The following EPN2 variants were observed in gnomAD, a reference collection of about 807,000 sequenced individuals.
EPN2 encodes the protein epsin 2.
EPN2 carries 34 observed loss-of-function variants against 61.7 expected under a neutral mutation model. The observed-to-expected ratio is 0.55, with a 90% CI of 0.42 to 0.73. The LOEUF (loss-of-function observed/expected upper bound fraction) is 0.73, where lower values mean the gene tolerates loss of function less well. EPN2 is among the 30% of genes least tolerant of loss of function. EPN2 has a pLI of 0.00. For missense variants in EPN2, 714 were observed against 839.2 expected, an observed-to-expected ratio of 0.85 and a Z score of 1.84; for synonymous variants, 349 against 353.6, an observed-to-expected ratio of 0.99 and a Z score of 0.15.
intron 8 of EPN2, 121 bp downstream of exon 8, chr17:19,329,008 C>T (rs944783137): frequency 2.3e-6 from 2 of 882,698 alleles, no homozygotes; most frequent in African/African-American, 3.4e-5. Context: ...CCTCCTCCCC[C>T]TTAGCCTTTG....
At chr17:19,331,446 A>G (rs1226992464) in intron 9 of EPN2, among the ~76,000 whole-genome samples, 1 of 152,148 alleles carries the variant, frequency 6.6e-6, no homozygotes, top group Non-Finnish European at 1.5e-5. Flanking sequence ...TTTAAAAGAC[A>G]CAATTTGCTT....
At chr17:19,326,345 G>A (rs1906864089) in intron 7 of EPN2, among the ~76,000 whole-genome samples, 2 of 152,202 alleles carry the variant, frequency 1.3e-5, no homozygotes, top group South Asian at 4.1e-4. Context: ...GTGATTTGCT[G>A]TATCAGATAT....
chr17:19,267,519 A>C (rs951472474), intron 1 of EPN2, among the ~76,000 whole-genome samples: 1 of 151,720 alleles, frequency 6.6e-6, no homozygotes, highest in Non-Finnish European at 1.5e-5. Flanking sequence ...GAAGAAAAAT[A>C]TGAAGCAAGC....
intron 4 of EPN2, chr17:19,308,128 CAGT>C: frequency 1.4e-6 from 1 of 735,220 alleles, no homozygotes; most frequent in Non-Finnish European, 1.7e-6. Context: ...GGCTGGAGTG[CAGT>C]AGCTTGATCT....
chr17:19,289,631 G>A (rs2045440373), intron 4 of EPN2, among the ~76,000 whole-genome samples: 1 of 151,850 alleles, frequency 6.6e-6, no homozygotes, highest in South Asian at 2.1e-4. Flanking sequence ...GGAGTTGGGG[G>A]GAGAATTCTG....
At position 19,276,773 on chromosome 17, in the gene EPN2, G is replaced by GTTTTTTTTTTTTTTTTT. The variant is rs80078595; in HGVS notation, c.-293-5180_-293-5164dup. ...GTCAGTATGTAATTTATGAGAATAA[G>GTTTTTTTTTTTTTTTTT]TTTTTTTTTTTTTTTTTTGCTGTAT... On this transcript the variant is annotated intron_variant, in intron 1 of 10. Transcript: ENST00000314728. 3.6e-4 allele frequency among the ~76,000 whole-genome samples: 43 copies of GTTTTTTTTTTTTTTTTT among 119,306 alleles called. 1 individual carries two copies. Among genetic ancestry groups the GTTTTTTTTTTTTTTTTT allele is most frequent in the African/African-American group, 1.3e-3 (31 of 24,090 alleles). The allele number at this position is 119,306 out of a possible 152,430, so 78.3% of individuals were successfully genotyped here.
intron 4 of EPN2, chr17:19,306,393 A>C (rs1042086968): frequency 6.6e-6 from 1 of 152,246 alleles, no homozygotes; most frequent in African/African-American, 2.4e-5. Flanking sequence ...GCTGATGTTC[A>C]ATGGTTGGTG....
chr17:19,312,097 C>T lies in EPN2; in HGVS notation c.925C>T (p.Leu309=), dbSNP rs1906168051. Residue 309 remains leucine (L), a synonymous_variant, in exon 6 of 11, where the codon CTG becomes TTG. Coordinates refer to ENST00000314728, the MANE Select transcript of EPN2 (RefSeq NM_014964.5). ...RGDDLRLQMA[L]EESRRDTVKI... The stretch of plus-strand genomic sequence containing the variant: ...TGATGACCTCAGATTACAGATGGCC[C>T]TGGAAGAAAGCCGAAGGGACACAGT... 6.2e-7 allele frequency: 1 copy of T among 1,614,172 alleles called. No individual in the cohort carries two copies. The highest frequency in any genetic ancestry group is 1.3e-5 in the African/African-American group (1 of 75,046).
rs77731914 is a variant in EPN2 at position 19,267,554 on chromosome 17, T to TA, written c.-293-14401_-293-14400insA. On this transcript the variant is annotated intron_variant, in intron 1 of 10. Transcript: ENST00000314728. ...CAGTAGAGCAGCTTTTTTTTTTTTT[T>TA]TAAAAAAAGACAGAGTTCCACTCTG... Among the ~76,000 whole-genome samples the TA allele has an allele frequency of 2.0e-5, 3 of 151,504 alleles. No individual in the cohort carries two copies. In the East Asian group the frequency reaches 5.8e-4, roughly 29 times the overall value.
At chr17:19,266,259 A>G (rs1464480038) in intron 1 of EPN2, among the ~76,000 whole-genome samples, 2 of 152,202 alleles carry the variant, frequency 1.3e-5, no homozygotes, top group East Asian at 1.9e-4. Flanking sequence ...TAGAAATGCC[A>G]TAGTATTTTG....
chr17:19,287,769 C>T (rs191042797), intron 4 of EPN2, among the ~76,000 whole-genome samples: 135 of 152,320 alleles, frequency 8.9e-4, no homozygotes, highest in Non-Finnish European at 3.8e-4. Flanking sequence ...GCCCTCTTCA[C>T]ATGAGAGCAG....
intron 1 of EPN2, among the ~76,000 whole-genome samples, chr17:19,241,731 C>T (rs2044886717): frequency 6.6e-6 from 1 of 152,026 alleles, no homozygotes; most frequent in Non-Finnish European, 1.5e-5. Context: ...AAAGCCGTTT[C>T]AGCAGCCTTT....
intron 1 of EPN2, among the ~76,000 whole-genome samples, chr17:19,242,132 GA>G (rs5819664): frequency 1.6e-3 from 186 of 115,310 alleles, no homozygotes; most frequent in Middle Eastern, 9.8e-3. Flanking sequence ...TGTTTGATCT[GA>G]AAAAAAAAAA....
chr17:19,283,203 C>T lies in EPN2; in HGVS notation c.84C>T (p.Thr28=). ...CAGAAATCAAAGTCCGGGAAGCCACCTCCAATGACCCGTGGGGCCCGTCCA... is the reference window on the plus strand; with the variant it reads ...CAGAAATCAAAGTCCGGGAAGCCACTTCCAATGACCCGTGGGGCCCGTCCA... ...SEAEIKVREA[T]SNDPWGPSSS... is the part of the protein sequence containing the mutation. The change falls in exon 3 of 11, where the codon ACC becomes ACT. Residue 28 remains threonine (T), a synonymous_variant. Transcript: ENST00000314728. This position sits in a 1 kb window ranked among gnomAD's most constrained non-coding sequence, Gnocchi z 7.0. The T allele has an allele frequency of 1.2e-6, 2 of 1,614,168 alleles. No individual in the cohort carries two copies. Among genetic ancestry groups the T allele is most frequent in the Non-Finnish European group, 1.7e-6 (2 of 1,180,032 alleles).
chr17:19,266,638 G>A (rs1332733389), intron 1 of EPN2, among the ~76,000 whole-genome samples: 4 of 151,644 alleles, frequency 2.6e-5, no homozygotes, highest in African/African-American at 9.7e-5. Context: ...TCCTCACCTC[G>A]TGATCTGCCC....
At chr17:19,298,117 G>T (rs1305443753) in intron 4 of EPN2, among the ~76,000 whole-genome samples, 1 of 151,742 alleles carries the variant, frequency 6.6e-6, no homozygotes, top group Non-Finnish European at 1.5e-5. Flanking sequence ...CTCGTGATCT[G>T]CCCTCCTCGG....
intron 1 of EPN2, among the ~76,000 whole-genome samples, chr17:19,269,735 G>A (rs1230273427): frequency 1.6e-4 from 25 of 152,162 alleles, no homozygotes. Flanking sequence ...GAATGGCTCT[G>A]GGTCCTGGCA....
At chr17:19,301,302 A>G (rs1905504171) in intron 4 of EPN2, among the ~76,000 whole-genome samples, 1 of 152,020 alleles carries the variant, frequency 6.6e-6, no homozygotes, top group African/African-American at 2.4e-5. Context: ...TATCTTCACT[A>G]ATTACATCTG....
rs569403569 is a variant in EPN2 at position 19,268,853 on chromosome 17, A to G, written c.-293-13102A>G. 3.3e-5 allele frequency among the ~76,000 whole-genome samples: 5 copies of G among 152,334 alleles called. No homozygotes were observed. The East Asian group carries it at 9.7e-4, about 29-fold the overall frequency. On this transcript the variant is annotated intron_variant, in intron 1 of 10. Transcript: ENST00000314728. ...CAACAGAGAGAACCTCAGAAGCAGT[A>G]TAGAATGCCACAGGCAGGCTGGGGA...
Sources: gnomAD v4.1 joint callset for allele counts (sites outside exome capture counted in the v4.1 genomes callset) on GRCh38, gnomAD v4.1.1 for gene constraint, Gnocchi (gnomAD v3.1) non-coding constraint, MANE v1.5 for transcripts, NCBI Gene and HGNC (gene_info 2026-07-23, HGNC 2026-07-21) for gene names.